Variants in RRAGD observed in about 807,000 individuals in gnomAD.
RRAGD encodes ras-related GTP-binding protein D.
In RRAGD, 12 loss-of-function variants were observed where a neutral mutation model predicts 35.5. The observed-to-expected ratio is 0.34, with a 90% confidence interval of 0.22 to 0.55. The LOEUF is 0.55. Ranked by LOEUF, RRAGD falls within the 20% of genes least tolerant of loss-of-function variation. The probability of loss-of-function intolerance (pLI) is 0.91; values close to 1 mark genes in which losing one functional copy is unlikely to be tolerated. For synonymous variants in RRAGD, 155 were observed against 178.9 expected (o/e 0.87, Z 1.07); for missense variants, 324 against 490.1 (o/e 0.66, Z 3.20).
intron 1 of RRAGD, among the ~76,000 whole-genome samples, chr6:89,400,451 G>A (rs1419196920): frequency 6.6e-6 from 1 of 151,952 alleles, no homozygotes; most frequent in Non-Finnish European, 1.5e-5. Flanking sequence ...CTTATATATC[G>A]GAAATGGACT....
chr6:89,396,051 G>A (rs1769326520), intron 1 of RRAGD, among the ~76,000 whole-genome samples: 1 of 151,740 alleles, frequency 6.6e-6, no homozygotes, highest in South Asian at 2.1e-4. Context: ...AAACTTCTAG[G>A]GTAAAATATT....
rs1053346213 is a variant in RRAGD, at chr6:89,412,141, C to T, written c.-148G>A. On this transcript the variant is annotated 5_prime_UTR_variant, in exon 1 of 7. Transcript: ENST00000369415. The surrounding 1 kb of genome is among the most constrained non-coding windows in gnomAD (Gnocchi z 4.2). ...GCGGAAGCGGGGGCCGCGCGTCCCCCGGCGGGCGGCGCCCAGGTCCGGGTC... is the reference window on the plus strand; with the variant it reads ...GCGGAAGCGGGGGCCGCGCGTCCCCTGGCGGGCGGCGCCCAGGTCCGGGTC... 8.5e-6 allele frequency: 6 copies of T among 709,356 alleles called. No individual in the cohort carries two copies. Among genetic ancestry groups the T allele is most frequent in the South Asian group, 4.9e-5 (1 of 20,554 alleles). 43.9% of individuals were successfully genotyped at this position (709,356 alleles called of 1,614,324 possible).
At chr6:89,410,551 A>T (rs1373712527) in intron 1 of RRAGD, among the ~76,000 whole-genome samples, 1 of 152,268 alleles carries the variant, frequency 6.6e-6, no homozygotes, top group African/African-American at 2.4e-5. Context: ...TGCAGAAGAC[A>T]GAAAGCACAA....
chr6:89,387,749 C>T (rs1317136302), intron 1 of RRAGD, among the ~76,000 whole-genome samples, 159 bp from the exon 2 acceptor site: 1 of 152,090 alleles, frequency 6.6e-6, no homozygotes, highest in Non-Finnish European at 1.5e-5. Context: ...CCAAGTCTTG[C>T]TGACTTCACA....
Position 89,380,407 on chromosome 6 carries a change from G to C in RRAGD, c.445-40C>G, listed in dbSNP as rs1769021865. 3.8e-6 allele frequency: 6 copies of C among 1,565,618 alleles called. No individual in the cohort carries two copies. The East Asian group carries it at 1.4e-4, about 36-fold the overall frequency. ...AACGCCTGTGAGAGAAGGCCGCTTTGCTTCCTGAGCCTCCCACACACACTC... is the reference window on the plus strand; with the variant it reads ...AACGCCTGTGAGAGAAGGCCGCTTTCCTTCCTGAGCCTCCCACACACACTC... On this transcript the variant is annotated intron_variant, in intron 2 of 6. Transcript: ENST00000369415.
chr6:89,367,922 G>T lies in RRAGD; in HGVS notation c.*134C>A. ...TATAAAAGAGAAGATCAAGAGGGTT[G>T]CAGGAATTTTTTTTTTTTAACAACA... On this transcript the variant is annotated 3_prime_UTR_variant, in exon 7 of 7. Transcript: ENST00000369415. 1 of 738,684 alleles carries T rather than the reference G, an allele frequency of 1.4e-6. No individual in the cohort carries two copies. Among genetic ancestry groups the T allele is most frequent in the Non-Finnish European group, 2.0e-6 (1 of 495,660 alleles). 45.8% of individuals were successfully genotyped at this position (738,684 alleles called of 1,614,324 possible). A position where few individuals can be genotyped will look rare whatever the true frequency, so the allele number is the denominator to read the frequency against.
rs117691105 is a variant in RRAGD, at chr6:89,411,685, G to A, written c.148+161C>T. 0.037 allele frequency among the ~76,000 whole-genome samples: 5,685 copies of A among 152,258 alleles called. 172 individuals carry two copies. The highest frequency in any genetic ancestry group is 0.059 in the Non-Finnish European group (4,026 of 68,010). On this transcript the variant is annotated intron_variant, in intron 1 of 6. Transcript: ENST00000369415. The surrounding 1 kb of genome is among the most constrained non-coding windows in gnomAD (Gnocchi z 5.6). The stretch of plus-strand genomic sequence containing the variant: ...CGCGCTCCCTCATTTGGCAGCTCGA[G>A]GTCGGGCTTTTGGCGTCCCTCCCCA...
rs1236684817 is a variant in RRAGD at position 89,411,173 on chromosome 6, C to G, written c.148+673G>C. On this transcript the variant is annotated intron_variant, in intron 1 of 6. Coordinates refer to ENST00000369415, the MANE Select transcript of RRAGD (RefSeq NM_021244.5). This position sits in a 1 kb window ranked among gnomAD's most constrained non-coding sequence, Gnocchi z 5.6. ...GAATTCCCCGCCGCGCGCTCACTCC[C>G]GGGCAGGCACTGCCATGTCCAGGTG... Among the ~76,000 whole-genome samples the G allele has an allele frequency of 1.3e-5, 2 of 152,044 alleles. No homozygotes were observed. The highest frequency in any genetic ancestry group is 2.4e-5 in the African/African-American group (1 of 41,390).
chr6:89,373,996 C>T (rs1768893821), intron 5 of RRAGD, among the ~76,000 whole-genome samples: 1 of 152,152 alleles, frequency 6.6e-6, no homozygotes. Context: ...TTACCTAAAA[C>T]TGTACATAAA....
chr6:89,400,482 TA>T (rs1479073257), intron 1 of RRAGD, among the ~76,000 whole-genome samples: 2 of 151,942 alleles, frequency 1.3e-5, no homozygotes, highest in African/African-American at 4.8e-5. Context: ...ATCTTCCCTC[TA>T]ATCTCCTCTC....
chr6:89,411,826 C>A lies in RRAGD; in HGVS notation c.148+20G>T. The A allele has an allele frequency of 6.5e-7, 1 of 1,543,390 alleles. No individual in the cohort carries two copies. On this transcript the variant is annotated intron_variant, in intron 1 of 6. Coordinates refer to ENST00000369415, the MANE Select transcript of RRAGD (RefSeq NM_021244.5). This position sits in a 1 kb window ranked among gnomAD's most constrained non-coding sequence, Gnocchi z 5.6. ...GGAGGAAAGGGGCGCGAGCCGAGGA[C>A]GCGGGGGCCGGGCGCTCACCTCCCT...
Position 89,412,090 on chromosome 6 carries a change from G to GT in RRAGD, c.-98dup, listed in dbSNP as rs1390650545. ...CCCGCAGCCTATTTCTGAAGCGGAG[G>GT]TTTGTCTAGAGCTCAGCGGGGCCCG... On this transcript the variant is annotated 5_prime_UTR_variant, in exon 1 of 7. Coordinates refer to ENST00000369415, the MANE Select transcript of RRAGD (RefSeq NM_021244.5). The surrounding 1 kb of genome is among the most constrained non-coding windows in gnomAD (Gnocchi z 4.2). The GT allele has an allele frequency of 1.5e-6, 2 of 1,300,982 alleles. No individual in the cohort carries two copies. Among genetic ancestry groups the GT allele is most frequent in the Non-Finnish European group, 2.0e-6 (2 of 983,112 alleles). The allele number at this position is 1,300,982 out of a possible 1,614,324, so 80.6% of individuals were successfully genotyped here. A position where few individuals can be genotyped will look rare whatever the true frequency, so the allele number is the denominator to read the frequency against.
chr6:89,408,074 A>G (rs1352464487), intron 1 of RRAGD, among the ~76,000 whole-genome samples: 1 of 152,198 alleles, frequency 6.6e-6, no homozygotes, highest in Non-Finnish European at 1.5e-5. Context: ...CATCTGTTCC[A>G]ACTCTTCTGT....
At chr6:89,399,024 G>C (rs572978141) in intron 1 of RRAGD, among the ~76,000 whole-genome samples, 1 of 152,172 alleles carries the variant, frequency 6.6e-6, no homozygotes, top group Non-Finnish European at 1.5e-5. Flanking sequence ...AAAACTCCTC[G>C]TTAAATTATG....
Position 89,387,385 on chromosome 6 carries a change from G to A in RRAGD, c.354C>T (p.Phe118=). ...SSFVNFQIWD[F]PGQIDFFDPT... ...GGTCAAAAAAGTCAATCTGTCCTGG[G>A]AAGTCCCAAATCTGAAAATTGACAA... The change falls in exon 2 of 7, where the codon TTC becomes TTT. Residue 118 remains phenylalanine, a synonymous_variant. Coordinates refer to ENST00000369415, the MANE Select transcript of RRAGD (RefSeq NM_021244.5). The A allele has an allele frequency of 6.2e-7, 1 of 1,614,166 alleles. No homozygotes were observed.
chr6:89,372,468 G>A lies in RRAGD; in HGVS notation c.1020C>T (p.Cys340=), dbSNP rs148785358. The change falls in exon 6 of 7, where the codon TGC becomes TGT. Residue 340 remains cysteine, a synonymous_variant. Coordinates refer to ENST00000369415, the MANE Select transcript of RRAGD (RefSeq NM_021244.5). ...KEVTKFLALV[C]FVREESFERK... is the part of the protein sequence containing the mutation. ...TTTCAAAGCTTTCCTCTCTGACAAA[G>A]CAAACGAGAGCCAGGAACTTTGTCA... 1 of 1,613,396 alleles carries A rather than the reference G, an allele frequency of 6.2e-7. No homozygotes were observed. Among genetic ancestry groups the A allele is most frequent in the South Asian group, 1.1e-5 (1 of 91,036 alleles).
chr6:89,386,371 G>A (rs1366459853), intron 2 of RRAGD, among the ~76,000 whole-genome samples: 4 of 152,146 alleles, frequency 2.6e-5, no homozygotes, highest in African/African-American at 4.8e-5. Flanking sequence ...GCCTCAGGAT[G>A]TAAAAAACCC....
chr6:89,377,909 C>T, intron 4 of RRAGD, 96 bp from the exon 5 acceptor site: 1 of 890,304 alleles, frequency 1.1e-6, no homozygotes, highest in South Asian at 1.8e-5. Context: ...ATGTAAAATA[C>T]AAAATGAGCA....
intron 3 of RRAGD, 71 bp downstream of exon 3, chr6:89,380,097 T>C (rs888331862): frequency 1.4e-6 from 2 of 1,385,688 alleles, no homozygotes; most frequent in Non-Finnish European, 2.0e-6. Context: ...AAGCCAATCA[T>C]GGTGACTCCG....
Sources: allele counts gnomAD v4.1 joint callset (sites outside exome capture counted in the v4.1 genomes callset), GRCh38; gene constraint gnomAD v4.1.1; non-coding constraint Gnocchi (gnomAD v3.1); transcripts MANE v1.5; gene names NCBI Gene and HGNC (gene_info 2026-07-23, HGNC 2026-07-21).